The following ZIC4 variants were observed in gnomAD, a reference collection of about 807,000 sequenced individuals.
ZIC4 encodes the protein Zic family zinc finger 4, also known as zinc finger protein ZIC 4.
Under a neutral mutation model 28.8 loss-of-function variants are expected in ZIC4, and 15 were observed. The ratio of observed to expected loss-of-function variants is 0.52; its 90% CI spans 0.35 to 0.80. The LOEUF is 0.80. Ranked by LOEUF, ZIC4 falls within the 30% of genes least tolerant of loss-of-function variation. The pLI, the probability that ZIC4 is intolerant of heterozygous loss-of-function variation, is 0.01. For synonymous variants in ZIC4, 220 were observed against 198.1 expected (o/e 1.11, Z -0.93); for missense variants, 512 against 467.1 (o/e 1.10, Z -0.89).
At chr3:147,403,870 G>T in intron 1 of ZIC4, 2 of 1,241,686 alleles carry the variant, frequency 1.6e-6, no homozygotes, top group Non-Finnish European at 2.2e-6. Flanking sequence ...CCCCCTCAAC[G>T]TCCAACCAGA....
chr3:147,396,417 C>T lies in ZIC4; in HGVS notation c.123G>A (p.Ser41=), dbSNP rs769806634. The part of the protein sequence containing the change: ...GPQLTAASSP[S]VFPGLHEEPP... ...GCTCCTCGTGGAGGCCCGGGAACAC[C>T]GAGGGGCTGGAGGCGGCGGTGAGCT... The change falls in exon 3 of 5, where the codon TCG becomes TCA. Residue 41 remains serine, a synonymous_variant. Transcript: ENST00000383075. This position sits in a 1 kb window ranked among gnomAD's most constrained non-coding sequence, Gnocchi z 4.2. 5 of 1,522,888 alleles carry T rather than the reference C, an allele frequency of 3.3e-6. No individual in the cohort carries two copies. Among genetic ancestry groups the T allele is most frequent in the African/African-American group, 2.8e-5 (2 of 71,692 alleles). The allele number at this position is 1,522,888 out of a possible 1,614,324, so 94.3% of individuals were successfully genotyped here.
intron 2 of ZIC4, among the ~76,000 whole-genome samples, chr3:147,401,054 T>C (rs950212427): frequency 2.1e-4 from 32 of 152,194 alleles, no homozygotes; most frequent in African/African-American, 7.2e-4. Context: ...AAGCTTGTTT[T>C]CTTGGGGACC....
Position 147,406,354 on chromosome 3 carries a change from C to G in ZIC4, c.-16+9G>C, listed in dbSNP as rs1576466890. On this transcript the variant is annotated intron_variant, in intron 1 of 4. Coordinates refer to ENST00000383075, the MANE Select transcript of ZIC4 (RefSeq NM_032153.6). ...CTCATCTGTCTGCCCCCTGGACTCA[C>G]GCACTTACCCCACTCCACCTGTTGC... 1.3e-5 allele frequency: 2 copies of G among 152,508 alleles called. No individual in the cohort carries two copies. Among genetic ancestry groups the G allele is most frequent in the Non-Finnish European group, 2.9e-5 (2 of 68,230 alleles). 9.4% of individuals were successfully genotyped at this position (152,508 alleles called of 1,614,324 possible).
chr3:147,397,980 C>T (rs943581116), intron 2 of ZIC4, among the ~76,000 whole-genome samples: 3 of 151,972 alleles, frequency 2.0e-5, no homozygotes, highest in Non-Finnish European at 2.9e-5. Context: ...CTCAAAGACG[C>T]GCGAAACTCA....
At chr3:147,404,621 T>G (rs1264085257) in intron 1 of ZIC4, among the ~76,000 whole-genome samples, 1 of 152,210 alleles carries the variant, frequency 6.6e-6, no homozygotes, top group African/African-American at 2.4e-5. Context: ...GGCCTCCTAA[T>G]TACCAGTCCA....
chr3:147,391,128 C>T lies in ZIC4; in HGVS notation c.807G>A (p.Arg269=). 1 of 1,614,094 alleles carries T rather than the reference C, an allele frequency of 6.2e-7. No homozygotes were observed. The highest frequency in any genetic ancestry group is 8.5e-7 in the Non-Finnish European group (1 of 1,179,934). ...TSDKPYTCKV[R]GCDKCYTHPS... Reference sequence around the variant, plus strand: ...GGTGCGTGTAGCACTTGTCGCAGCCCCGCACCTTGCACGTGTATGGCTTGT... The same window carrying T: ...GGTGCGTGTAGCACTTGTCGCAGCCTCGCACCTTGCACGTGTATGGCTTGT... The change falls in exon 4 of 5, where the codon CGG becomes CGA. Residue 269 remains arginine (R), a synonymous_variant. Coordinates refer to ENST00000383075, the MANE Select transcript of ZIC4 (RefSeq NM_032153.6).
intron 4 of ZIC4, 150 bp downstream of exon 4, chr3:147,390,781 A>C: frequency 9.3e-7 from 1 of 1,069,926 alleles, no homozygotes; most frequent in Non-Finnish European, 1.3e-6. Flanking sequence ...AACGTGGCCT[A>C]CTCTGCATTC....
At position 147,386,266 on chromosome 3, in the gene ZIC4, A is replaced by T. The variant is rs2086796138; in HGVS notation, c.*2593T>A. Reference sequence around the variant, plus strand: ...TATTTTCAAGTTAGTTCATAATTTAACTGACACTAAAGAGACAGATGATAA... The same window carrying T: ...TATTTTCAAGTTAGTTCATAATTTATCTGACACTAAAGAGACAGATGATAA... On this transcript the variant is annotated 3_prime_UTR_variant, in exon 5 of 5. Coordinates refer to ENST00000383075, the MANE Select transcript of ZIC4 (RefSeq NM_032153.6). The T allele has an allele frequency of 1.3e-5, 2 of 152,424 alleles. No individual in the cohort carries two copies. The highest frequency in any genetic ancestry group is 6.5e-5 in the Admixed American group (1 of 15,310). The allele number at this position is 152,424 out of a possible 1,614,324, so 9.4% of individuals were successfully genotyped here. A position where few individuals can be genotyped will look rare whatever the true frequency, so the allele number is the denominator to read the frequency against.
intron 3 of ZIC4, among the ~76,000 whole-genome samples, chr3:147,394,762 C>T (rs554345322): frequency 7.1e-4 from 108 of 152,344 alleles, no homozygotes; most frequent in African/African-American, 2.5e-3. Context: ...TCCGCATGTG[C>T]CAGTGTCCGG....
At chr3:147,400,949 T>A (rs879459106) in intron 2 of ZIC4, among the ~76,000 whole-genome samples, 1 of 152,194 alleles carries the variant, frequency 6.6e-6, no homozygotes. Flanking sequence ...CCTGGAGATA[T>A]AACATTGTTA....
intron 3 of ZIC4, chr3:147,393,781 G>A (rs1484983578): frequency 2.4e-6 from 1 of 418,230 alleles, no homozygotes; most frequent in Admixed American, 2.7e-5. Flanking sequence ...CCCCGGCCGA[G>A]GGGTCCCTGG....
chr3:147,401,227 A>G (rs999217550), intron 2 of ZIC4, among the ~76,000 whole-genome samples: 28 of 152,316 alleles, frequency 1.8e-4, no homozygotes, highest in Middle Eastern at 3.4e-3. Flanking sequence ...GAAATAGAAC[A>G]TTTGGTGGCC....
At chr3:147,391,396 C>A (rs1316512890) in intron 3 of ZIC4, 150 bp from the exon 4 acceptor site, 3 of 1,051,070 alleles carry the variant, frequency 2.9e-6, no homozygotes, top group Non-Finnish European at 1.3e-6. Context: ...GTCGAGCACC[C>A]CTTTCCCTCG....
Position 147,396,218 on chromosome 3 carries a change from C to T in ZIC4, c.322G>A (p.Ala108Thr). The change falls in exon 3 of 5, where the codon GCT becomes ACT. Residue 108 changes from alanine to threonine, a missense_variant. Ala to Thr is a moderately conservative substitution (Grantham distance 58). Coordinates refer to ENST00000383075, the MANE Select transcript of ZIC4 (RefSeq NM_032153.6). The surrounding 1 kb of genome is among the most constrained non-coding windows in gnomAD (Gnocchi z 4.2). The part of the protein sequence containing the change: ...YGGMNLTVNL[A>T]APHGPGAFFR... Reference sequence around the variant, plus strand: ...AAAGCGCCAGGACCGTGGGGCGCAGCGAGGTTCACCGTCAGGTTCATGCCC... The same window carrying T: ...AAAGCGCCAGGACCGTGGGGCGCAGTGAGGTTCACCGTCAGGTTCATGCCC... 1.2e-6 allele frequency: 2 copies of T among 1,613,946 alleles called. No homozygotes were observed. The highest frequency in any genetic ancestry group is 1.7e-6 in the Non-Finnish European group (2 of 1,179,954).
intron 2 of ZIC4, 53 bp downstream of exon 2, chr3:147,402,675 A>C (rs955764267): frequency 1.3e-6 from 2 of 1,482,432 alleles, no homozygotes; most frequent in African/African-American, 1.4e-5. Context: ...AAAAAGAAGA[A>C]GAAGAAGAAA....
At chr3:147,403,964 C>G (rs6766244) in intron 1 of ZIC4, 1 of 1,536,296 alleles carries the variant, frequency 6.5e-7, no homozygotes, top group East Asian at 2.4e-5. Flanking sequence ...GTAGACTCAC[C>G]TTTTCCCAGA....
At position 147,386,159 on chromosome 3, in the gene ZIC4, T is replaced by C. The variant is rs1384553057; in HGVS notation, c.*2700A>G. ...AAAGGAATCACAGATTTAATATCAT[T>C]TACATTTATATATTTACAAGATCAA... On this transcript the variant is annotated 3_prime_UTR_variant, in exon 5 of 5. Transcript: ENST00000383075. 1 of 152,244 alleles carries C rather than the reference T, an allele frequency of 6.6e-6. No homozygotes were observed. Among genetic ancestry groups the C allele is most frequent in the East Asian group, 1.9e-4 (1 of 5,196 alleles). 9.4% of individuals were successfully genotyped at this position (152,244 alleles called of 1,614,324 possible).
intron 3 of ZIC4, chr3:147,392,281 C>T (rs1003041750): frequency 1.4e-5 from 14 of 985,684 alleles, no homozygotes; most frequent in Non-Finnish European, 1.7e-5. Context: ...GGCTCCGCAG[C>T]CCGGAGGGCC....
chr3:147,391,061 G>C lies in ZIC4; in HGVS notation c.874C>G (p.Pro292Ala). The C allele has an allele frequency of 6.2e-7, 1 of 1,613,850 alleles. No homozygotes were observed. Residue 292 changes from proline (P) to alanine (A), a missense_variant, in exon 4 of 5, where the codon CCG (proline) becomes GCG (alanine). This residue lies in a region of ZIC4 where 144 missense variants were observed against 116.8 expected (regional missense o/e 1.23). Transcript: ENST00000383075. ...GAATCGTAGCCAGAGCTGGGCGGCG[G>C]CGAGCGCCCGTGCACCTTCATGTGC... ...RKHMKVHGRS[P>A]PPSSGYDSAT...
Sources: gnomAD v4.1 joint callset for allele counts (sites outside exome capture counted in the v4.1 genomes callset) on GRCh38, gnomAD v4.1.1 for gene constraint, gnomAD v4.1.1 regional missense constraint, Gnocchi (gnomAD v3.1) non-coding constraint, MANE v1.5 for transcripts, NCBI Gene and HGNC (gene_info 2026-07-23, HGNC 2026-07-21) for gene names.